Variants in PTPRE observed in about 807,000 individuals in gnomAD.
The protein encoded by PTPRE is protein tyrosine phosphatase receptor type E.
In PTPRE, 51 loss-of-function variants were observed where a neutral mutation model predicts 102.0. The observed-to-expected ratio is 0.50, with a 90% CI of 0.40 to 0.63. The LOEUF (loss-of-function observed/expected upper bound fraction) is 0.63, where lower values mean the gene tolerates loss of function less well. PTPRE is among the 30% of genes least tolerant of loss of function. PTPRE has a pLI of 0.00. For synonymous variants in PTPRE, 345 were observed against 348.2 expected, an observed-to-expected ratio of 0.99 and a Z score of 0.10; for missense variants, 752 against 915.1, an observed-to-expected ratio of 0.82 and a Z score of 2.30.
At chr10:127,914,949 C>G (rs1846109723) in intron 1 of PTPRE, among the ~76,000 whole-genome samples, 1 of 152,194 alleles carries the variant, frequency 6.6e-6, no homozygotes, top group African/African-American at 2.4e-5. Flanking sequence ...CACTCTGAAT[C>G]TCTGAAGCAG....
chr10:128,038,853 G>A (rs78865421), intron 2 of PTPRE, among the ~76,000 whole-genome samples: 3 of 152,166 alleles, frequency 2.0e-5, no homozygotes, highest in Admixed American at 1.3e-4. Context: ...GCTCCAGCTG[G>A]TGGACAGGCT....
chr10:127,958,012 A>G (rs1462748322), intron 1 of PTPRE, among the ~76,000 whole-genome samples: 1 of 152,210 alleles, frequency 6.6e-6, no homozygotes, highest in Non-Finnish European at 1.5e-5. Context: ...CATACAGAAA[A>G]GTGACTAACT....
chr10:127,912,439 A>G (rs1456312922), intron 1 of PTPRE, among the ~76,000 whole-genome samples: 2 of 152,238 alleles, frequency 1.3e-5, no homozygotes, highest in Admixed American at 6.5e-5. Context: ...TCCATTATGT[A>G]TATTGTAACA....
chr10:127,969,149 C>T (rs114162015), intron 1 of PTPRE, among the ~76,000 whole-genome samples: 4,590 of 152,310 alleles, frequency 0.03, 88 homozygotes, highest in Admixed American at 0.038. Context: ...ACACTAAATT[C>T]GGAAGGCGAA....
chr10:127,909,289 A>T (rs1303658139), intron 1 of PTPRE, among the ~76,000 whole-genome samples: 1 of 152,160 alleles, frequency 6.6e-6, no homozygotes, highest in African/African-American at 2.4e-5. Flanking sequence ...CTTGCCCCCA[A>T]ACCCCAAGAG....
intron 1 of PTPRE, among the ~76,000 whole-genome samples, chr10:127,973,861 C>T (rs977902616): frequency 6.6e-6 from 1 of 152,174 alleles, no homozygotes; most frequent in Admixed American, 6.5e-5. Flanking sequence ...CTTCCCTTTT[C>T]CCCACTTCTC....
chr10:128,012,634 C>A (rs1051158967), intron 2 of PTPRE, among the ~76,000 whole-genome samples: 35 of 152,332 alleles, frequency 2.3e-4, no homozygotes, highest in Admixed American at 1.2e-3. Context: ...GACGAGGCAT[C>A]ATTTCCTGTC....
At chr10:127,950,651 G>A (rs768830480) in intron 1 of PTPRE, among the ~76,000 whole-genome samples, 26 of 152,190 alleles carry the variant, frequency 1.7e-4, no homozygotes, top group Non-Finnish European at 3.7e-4. Flanking sequence ...GGGGATAATT[G>A]GATCCTGGGG....
Position 128,069,823 on chromosome 10 carries a change from CG to C in PTPRE, c.1141del (p.Asp381IlefsTer53), listed in dbSNP as rs775398121. The C allele has an allele frequency of 1.9e-6, 3 of 1,614,212 alleles. No individual in the cohort carries two copies. In the South Asian group the frequency reaches 3.3e-5, roughly 18 times the overall value. ...IRNQRPQMVQ[T>X]DMQYTFIYQA... ...AATCAGCGCCCTCAGATGGTTCAAACGGATGTGAGTCATGCCTTCCTCTTGC... is the reference window on the plus strand; with the variant it reads ...AATCAGCGCCCTCAGATGGTTCAAACGATGTGAGTCATGCCTTCCTCTTGC... On this transcript the variant is annotated frameshift_variant, in exon 13 of 21. Transcript: ENST00000254667. LOFTEE classifies it high-confidence loss of function.
intron 2 of PTPRE, among the ~76,000 whole-genome samples, chr10:128,019,019 G>A (rs1052374461): frequency 6.6e-6 from 1 of 152,218 alleles, no homozygotes; most frequent in African/African-American, 2.4e-5. Flanking sequence ...GTCAGGAGCC[G>A]AGGGTGCATC....
chr10:128,025,313 G>C (rs900148491), intron 2 of PTPRE, among the ~76,000 whole-genome samples: 1 of 152,160 alleles, frequency 6.6e-6, no homozygotes, highest in African/African-American at 2.4e-5. Context: ...GGTCAGTGCT[G>C]TAACTCCCCA....
intron 1 of PTPRE, among the ~76,000 whole-genome samples, chr10:127,941,460 G>A (rs906496436): frequency 7.9e-5 from 12 of 152,228 alleles, no homozygotes; most frequent in South Asian, 4.1e-4. Context: ...CACCTATCCC[G>A]GCCACAGGGG....
At chr10:127,928,222 T>C (rs1228213515) in intron 1 of PTPRE, among the ~76,000 whole-genome samples, 1 of 152,224 alleles carries the variant, frequency 6.6e-6, no homozygotes. Context: ...TCATGCAGCA[T>C]CCAAACGGAC....
intron 11 of PTPRE, among the ~76,000 whole-genome samples, chr10:128,066,677 A>G (rs1850121881): frequency 6.6e-6 from 1 of 152,234 alleles, no homozygotes; most frequent in Non-Finnish European, 1.5e-5. Flanking sequence ...TGAAATCAAG[A>G]TATAGAAGAA....
In PTPRE at chr10:128,001,551, C is replaced by T. The variant is rs536446194; in HGVS notation, c.-8+19255C>T. 1.1e-4 allele frequency among the ~76,000 whole-genome samples: 16 copies of T among 152,268 alleles called. No individual in the cohort carries two copies. The South Asian group carries it at 3.1e-3, about 30-fold the overall frequency. On this transcript the variant is annotated intron_variant, in intron 2 of 20. Transcript: ENST00000254667. Reference sequence around the variant, plus strand: ...GCTGTGTGGTTCAGTGGCCTGCCCTCGTCCCCAAGAGTGCCTCCTACTTCA... The same window carrying T: ...GCTGTGTGGTTCAGTGGCCTGCCCTTGTCCCCAAGAGTGCCTCCTACTTCA...
chr10:127,963,137 G>A (rs1268413170), intron 1 of PTPRE, among the ~76,000 whole-genome samples: 1 of 152,160 alleles, frequency 6.6e-6, no homozygotes, highest in African/African-American at 2.4e-5. Flanking sequence ...GGAAATGCAG[G>A]TAACCCATGA....
At chr10:127,986,826 G>A (rs549331836) in intron 2 of PTPRE, among the ~76,000 whole-genome samples, 1 of 152,348 alleles carries the variant, frequency 6.6e-6, no homozygotes, top group South Asian at 2.1e-4. Context: ...GGAGCTATAT[G>A]CCCCGGGCCG....
In PTPRE at chr10:127,957,312, C is replaced by T. The variant is rs143835078; in HGVS notation, c.-30-24962C>T. Among the ~76,000 whole-genome samples the T allele has an allele frequency of 5.3e-5, 8 of 152,160 alleles. No homozygotes were observed. In the East Asian group the frequency reaches 1.2e-3, roughly 22 times the overall value. Reference sequence around the variant, plus strand: ...TATGGATTTACAGTTGTCCCAGCACCGTATGTTGAAAAGACCATCAATCTT... The same window carrying T: ...TATGGATTTACAGTTGTCCCAGCACTGTATGTTGAAAAGACCATCAATCTT... On this transcript the variant is annotated intron_variant, in intron 1 of 20. Transcript: ENST00000254667.
chr10:127,968,465 C>G (rs990522224), intron 1 of PTPRE, among the ~76,000 whole-genome samples: 1 of 152,216 alleles, frequency 6.6e-6, no homozygotes, highest in Non-Finnish European at 1.5e-5. Flanking sequence ...GGCCATCTGG[C>G]GAGTTCTGCC....
Sources: allele counts gnomAD v4.1 joint callset (sites outside exome capture counted in the v4.1 genomes callset), GRCh38; gene constraint gnomAD v4.1.1; transcripts MANE v1.5; gene names NCBI Gene and HGNC (gene_info 2026-07-23, HGNC 2026-07-21).